The following SNTG1 variants were observed in gnomAD, a reference collection of about 807,000 sequenced individuals.
SNTG1 encodes the protein gamma-1-syntrophin.
Under a neutral mutation model 74.7 loss-of-function variants are expected in SNTG1, and 39 were observed. The ratio of observed to expected loss-of-function variants is 0.52; its 90% CI spans 0.40 to 0.68. The LOEUF (loss-of-function observed/expected upper bound fraction) is 0.68. SNTG1 is among the 30% of genes least tolerant of loss of function. SNTG1 has a pLI of 0.00. For missense variants in SNTG1, 685 were observed against 609.5 expected, an observed-to-expected ratio of 1.12 and a Z score of -1.30; for synonymous variants, 254 against 217.1, an observed-to-expected ratio of 1.17 and a Z score of -1.49.
chr8:50,635,361 G>A (rs1352622677), intron 13 of SNTG1, among the ~76,000 whole-genome samples: 1 of 152,150 alleles, frequency 6.6e-6, no homozygotes, highest in East Asian at 1.9e-4. Context: ...CCAGCCTTGT[G>A]TCTTTCCCTT....
intron 9 of SNTG1, among the ~76,000 whole-genome samples, chr8:50,526,511 T>C (rs1212481452): frequency 1.3e-5 from 2 of 152,130 alleles, no homozygotes; most frequent in South Asian, 2.1e-4. Context: ...TTCTTAACTA[T>C]ATATTGTTGC....
At chr8:50,364,059 C>T (rs2092039474) in intron 2 of SNTG1, among the ~76,000 whole-genome samples, 1 of 152,096 alleles carries the variant, frequency 6.6e-6, no homozygotes. Flanking sequence ...CTCAGAATCC[C>T]TTTGATTAGG....
chr8:50,168,541 G>A (rs914210333), intron 1 of SNTG1, among the ~76,000 whole-genome samples: 13 of 152,042 alleles, frequency 8.6e-5, no homozygotes, highest in African/African-American at 1.4e-4. Flanking sequence ...ACACATCCGT[G>A]TGTGTATACA....
At chr8:50,571,100 G>T (rs973047785) in intron 12 of SNTG1, among the ~76,000 whole-genome samples, 1 of 152,032 alleles carries the variant, frequency 6.6e-6, no homozygotes, top group Non-Finnish European at 1.5e-5. Context: ...AATGAGCCCT[G>T]CCTGCCTGCC....
At chr8:50,055,119 C>A (rs1350621859) in intron 1 of SNTG1, among the ~76,000 whole-genome samples, 1 of 152,134 alleles carries the variant, frequency 6.6e-6, no homozygotes, top group Non-Finnish European at 1.5e-5. Flanking sequence ...CCCACACTAA[C>A]CTCAACTGCT....
At chr8:50,433,035 C>A (rs2093257524) in intron 4 of SNTG1, among the ~76,000 whole-genome samples, 1 of 152,128 alleles carries the variant, frequency 6.6e-6, no homozygotes, top group South Asian at 2.1e-4. Context: ...AGTGATCCAC[C>A]TGCCTCGGCC....
At chr8:50,595,763 A>T (rs1321946065) in intron 13 of SNTG1, among the ~76,000 whole-genome samples, 3 of 151,950 alleles carry the variant, frequency 2.0e-5, no homozygotes, top group Non-Finnish European at 4.4e-5. Flanking sequence ...ATACAGCATA[A>T]TTCTTTTTAA....
chr8:50,279,326 G>T (rs759138245), intron 2 of SNTG1, among the ~76,000 whole-genome samples: 1 of 152,066 alleles, frequency 6.6e-6, no homozygotes, highest in Non-Finnish European at 1.5e-5. Flanking sequence ...TTTGGTTCTT[G>T]CTTCTTGGTA....
chr8:50,578,829 T>G (rs2094591932), intron 12 of SNTG1, among the ~76,000 whole-genome samples: 1 of 152,178 alleles, frequency 6.6e-6, no homozygotes, highest in Non-Finnish European at 1.5e-5. Context: ...TAAATCTGTC[T>G]TCTTTATAAA....
At chr8:50,144,924 A>G (rs944608788) in intron 1 of SNTG1, among the ~76,000 whole-genome samples, 1 of 152,218 alleles carries the variant, frequency 6.6e-6, no homozygotes, top group Non-Finnish European at 1.5e-5. Flanking sequence ...GTAATCTTGA[A>G]TAAAGATCAG....
chr8:49,993,883 T>C (rs567330791), intron 1 of SNTG1, among the ~76,000 whole-genome samples: 1 of 152,334 alleles, frequency 6.6e-6, no homozygotes, highest in Non-Finnish European at 1.5e-5. Flanking sequence ...GTGTTGATTA[T>C]TGAACGAATG....
intron 3 of SNTG1, among the ~76,000 whole-genome samples, chr8:50,397,757 C>T (rs1211535104): frequency 6.6e-6 from 1 of 152,128 alleles, no homozygotes; most frequent in African/African-American, 2.4e-5. Context: ...GGGTGGCATT[C>T]TTAAATAATC....
chr8:50,035,484 A>G (rs140946180), intron 1 of SNTG1, among the ~76,000 whole-genome samples: 211 of 152,244 alleles, frequency 1.4e-3, no homozygotes, highest in African/African-American at 4.8e-3. Context: ...TTTCCCAGAG[A>G]TGGCACATGA....
chr8:50,135,745 T>G (rs2081452097), intron 1 of SNTG1, among the ~76,000 whole-genome samples: 1 of 152,202 alleles, frequency 6.6e-6, no homozygotes, highest in Non-Finnish European at 1.5e-5. Context: ...TATCTGAAAT[T>G]TTTGTTTGTA....
chr8:49,968,816 G>A (rs553534048), intron 1 of SNTG1, among the ~76,000 whole-genome samples: 1 of 152,260 alleles, frequency 6.6e-6, no homozygotes, highest in South Asian at 2.1e-4. Flanking sequence ...GTGTTCCAGA[G>A]TTCCAGAAAA....
At chr8:50,183,221 G>T (rs1404423280) in intron 2 of SNTG1, among the ~76,000 whole-genome samples, 1 of 152,150 alleles carries the variant, frequency 6.6e-6, no homozygotes, top group Non-Finnish European at 1.5e-5. Context: ...CAAGGTTTTA[G>T]TGTTTGACTA....
chr8:50,674,401 G>A (rs1418908421), intron 15 of SNTG1, among the ~76,000 whole-genome samples: 1 of 151,898 alleles, frequency 6.6e-6, no homozygotes, highest in African/African-American at 2.4e-5. Context: ...ATTTAGTCTT[G>A]GGAGGGTGTA....
At chr8:49,938,603 T>TCTTTTCTTTTCTTTCTTTC (rs1808347084) in intron 1 of SNTG1, among the ~76,000 whole-genome samples, 5 of 74,754 alleles carry the variant, frequency 6.7e-5, no homozygotes, top group African/African-American at 2.3e-4. Flanking sequence ...TTTTCTTTTC[T>TCTTTTCTTTTCTTTCTTTC]TTTCTTTCTT....
At chr8:50,455,492 CTGAG>C (rs561352587) in intron 8 of SNTG1, among the ~76,000 whole-genome samples, 53 of 152,274 alleles carry the variant, frequency 3.5e-4, no homozygotes, top group African/African-American at 1.2e-3. Context: ...AAAGAACAGA[CTGAG>C]TAACTAAAAG....
Sources: gnomAD v4.1 joint callset for allele counts (sites outside exome capture counted in the v4.1 genomes callset) on GRCh38, gnomAD v4.1.1 for gene constraint, MANE v1.5 for transcripts, NCBI Gene and HGNC (gene_info 2026-07-23, HGNC 2026-07-21) for gene names.